TNFAIP8: variants seen among roughly 807,000 people sequenced by gnomAD.
TNFAIP8 encodes the protein TNF alpha induced protein 8.
In TNFAIP8, 7 loss-of-function variants were observed where a neutral mutation model predicts 13.3. The observed-to-expected ratio is 0.52, with a 90% CI of 0.30 to 0.99. The LOEUF is 0.99. Among genes scored for constraint, TNFAIP8 ranks in the 50% least tolerant of loss-of-function variants. The pLI is 0.07. For synonymous variants in TNFAIP8, 94 were observed against 87.6 expected, an observed-to-expected ratio of 1.07 and a Z score of -0.41; for missense variants, 258 against 236.9, an observed-to-expected ratio of 1.09 and a Z score of -0.58.
chr5:119,297,537 A>G (rs1169340132), intron 1 of TNFAIP8, among the ~76,000 whole-genome samples: 4 of 152,094 alleles, frequency 2.6e-5, no homozygotes, highest in African/African-American at 4.8e-5. Context: ...TATGTGGTCA[A>G]TTTTGGAATA....
intron 1 of TNFAIP8, among the ~76,000 whole-genome samples, chr5:119,305,523 AG>A (rs760487808): frequency 0.058 from 8,860 of 152,218 alleles, 578 homozygotes; most frequent in African/African-American, 0.16. Context: ...TGAGCCCAGG[AG>A]TTCAAGGCTG....
At chr5:119,374,865 T>C (rs1297868345) in intron 1 of TNFAIP8, among the ~76,000 whole-genome samples, 1 of 152,194 alleles carries the variant, frequency 6.6e-6, no homozygotes, top group Non-Finnish European at 1.5e-5. Flanking sequence ...TCCCAACTTC[T>C]ACAAGTTTTT....
At chr5:119,385,637 A>G (rs567672677) in intron 1 of TNFAIP8, among the ~76,000 whole-genome samples, 1 of 152,342 alleles carries the variant, frequency 6.6e-6, no homozygotes, top group South Asian at 2.1e-4. Context: ...AAAGTTTTTA[A>G]TATGTTATAT....
upstream of TNFAIP8, chr5:119,354,177 A>C (rs936293954): frequency 6.6e-6 from 1 of 152,256 alleles, no homozygotes; most frequent in Non-Finnish European, 1.5e-5. Context: ...TATACATATC[A>C]GCAGCTCCTG....
chr5:119,365,283 A>G (rs1290188984), intron 1 of TNFAIP8, among the ~76,000 whole-genome samples: 1 of 152,184 alleles, frequency 6.6e-6, no homozygotes, highest in African/African-American at 2.4e-5. Context: ...TAGATTTGGC[A>G]TATAATTTGG....
intron 1 of TNFAIP8, among the ~76,000 whole-genome samples, chr5:119,390,062 C>G (rs1752836598): frequency 6.6e-6 from 1 of 152,128 alleles, no homozygotes; most frequent in Non-Finnish European, 1.5e-5. Context: ...CATGAAAGTC[C>G]AGTCTTGGAT....
At chr5:119,333,118 TA>T in intron 1 of TNFAIP8, 1 of 814,314 alleles carries the variant, frequency 1.2e-6, no homozygotes, top group Non-Finnish European at 1.5e-6. Flanking sequence ...TTTTTTTTTC[TA>T]AGTATCTGTT....
chr5:119,383,886 G>C lies in TNFAIP8; in HGVS notation c.32-8930G>C, dbSNP rs2112846151. Reference sequence around the variant, plus strand: ...TGGAAGCTATTTCAAGCCCAGCTGGGTTGATCTTCCTTATGGTCTGTTTCT... The same window carrying C: ...TGGAAGCTATTTCAAGCCCAGCTGGCTTGATCTTCCTTATGGTCTGTTTCT... On this transcript the variant is annotated intron_variant, in intron 1 of 1. Transcript: ENST00000504771. 1.3e-5 allele frequency among the ~76,000 whole-genome samples: 2 copies of C among 152,322 alleles called. 1 individual carries two copies. The highest frequency in any genetic ancestry group is 1.3e-4 in the Admixed American group (2 of 15,300).
upstream of TNFAIP8, among the ~76,000 whole-genome samples, chr5:119,354,094 G>T (rs546628804): frequency 6.6e-6 from 1 of 152,198 alleles, no homozygotes; most frequent in Non-Finnish European, 1.5e-5. Flanking sequence ...TGGTGAGGGA[G>T]CATTTCTTTG....
intron 1 of TNFAIP8, among the ~76,000 whole-genome samples, chr5:119,361,997 T>C (rs1338113150): frequency 6.6e-6 from 1 of 152,048 alleles, no homozygotes; most frequent in African/African-American, 2.4e-5. Context: ...AACCCCATCT[T>C]CAGAGAGTTT....
chr5:119,278,376 AGTGTGTGTGTGTGT>A lies in TNFAIP8; in HGVS notation c.1+9501_1+9514del, dbSNP rs71591297. ...GGGAGAGAGAGAGAGAGAGAGAGAGAGTGTGTGTGTGTGTGTGTGTGTGTGTGTGTGTGTGTGTG... is the reference window on the plus strand; with the variant it reads ...GGGAGAGAGAGAGAGAGAGAGAGAGAGTGTGTGTGTGTGTGTGTGTGTGTG... On this transcript the variant is annotated intron_variant, in intron 1 of 1. Transcript: ENST00000274456. Among the ~76,000 whole-genome samples, 543 of 108,226 alleles carry A rather than the reference AGTGTGTGTGTGTGT, an allele frequency of 5.0e-3. 5 individuals carry two copies. Among genetic ancestry groups the A allele is most frequent in the African/African-American group, 0.018 (480 of 26,494 alleles). 71.0% of individuals were successfully genotyped at this position (108,226 alleles called of 152,430 possible).
intron 1 of TNFAIP8, chr5:119,391,415 C>G: frequency 1.4e-6 from 1 of 702,368 alleles, no homozygotes; most frequent in Non-Finnish European, 2.6e-6. Context: ...CCACTCGACT[C>G]AGAGATTGAG....
In TNFAIP8 at chr5:119,270,559, A is replaced by G. The variant is rs114760668; in HGVS notation, c.1+1652A>G. Among the ~76,000 whole-genome samples, 602 of 152,304 alleles carry G rather than the reference A, an allele frequency of 4.0e-3. 4 individuals are homozygous for G. The highest frequency in any genetic ancestry group is 0.014 in the African/African-American group (566 of 41,556). On this transcript the variant is annotated intron_variant, in intron 1 of 1. Transcript: ENST00000274456. ...CTACAGGGGCCCACAAGTAATTGTT[A>G]ATATTCTAGCTAGTAACACAATTTG...
rs1243760410 is a variant in TNFAIP8 at position 119,396,540 on chromosome 5, C to G, written c.*3159C>G. On this transcript the variant is annotated 3_prime_UTR_variant, in exon 2 of 2. Coordinates refer to ENST00000504771, the MANE Select transcript of TNFAIP8 (RefSeq NM_014350.4). ...TTCACCAAGAGAAGCAAGGAAGCAGCAGTTCAGTACTGTGCTCCCTAGAGT... is the reference window on the plus strand; with the variant it reads ...TTCACCAAGAGAAGCAAGGAAGCAGGAGTTCAGTACTGTGCTCCCTAGAGT... The G allele has an allele frequency of 6.6e-6, 1 of 152,184 alleles. No homozygotes were observed. The highest frequency in any genetic ancestry group is 2.4e-5 in the African/African-American group (1 of 41,446). 9.4% of individuals were successfully genotyped at this position (152,184 alleles called of 1,614,324 possible). A position where few individuals can be genotyped will look rare whatever the true frequency, so the allele number is the denominator to read the frequency against.
intron 1 of TNFAIP8, among the ~76,000 whole-genome samples, chr5:119,294,873 C>G (rs970643299): frequency 2.0e-4 from 30 of 151,858 alleles, no homozygotes; most frequent in East Asian, 7.8e-4. Context: ...CCTTTGCCCA[C>G]TTTTTGATGG....
At chr5:119,308,854 CAAAAAAAAAAA>C (rs61628819) in intron 1 of TNFAIP8, among the ~76,000 whole-genome samples, 1 of 58,122 alleles carries the variant, frequency 1.7e-5, no homozygotes, top group Admixed American at 1.9e-4. Flanking sequence ...GACTCCATCT[CAAAAAAAAAAA>C]AAAAAAAAAG....
At chr5:119,362,230 A>G (rs567575287) in intron 1 of TNFAIP8, among the ~76,000 whole-genome samples, 1 of 152,264 alleles carries the variant, frequency 6.6e-6, no homozygotes, top group African/African-American at 2.4e-5. Flanking sequence ...AGAAAGAGTG[A>G]GTGACAGGGA....
rs188138989 is a variant in TNFAIP8, at chr5:119,372,061, C to T, written c.31+15940C>T. On this transcript the variant is annotated intron_variant, in intron 1 of 1. Coordinates refer to ENST00000504771, the MANE Select transcript of TNFAIP8 (RefSeq NM_014350.4). The stretch of plus-strand genomic sequence containing the variant: ...CTGAGGCAGGAGAATGGCGTGAACC[C>T]GGGAGGCGGAGCTTGCAGTGAGCCG... 5.7e-3 allele frequency among the ~76,000 whole-genome samples: 857 copies of T among 151,352 alleles called. 11 individuals carry two copies. Among genetic ancestry groups the T allele is most frequent in the African/African-American group, 0.02 (834 of 41,184 alleles).
At chr5:119,378,021 A>G (rs911530481) in intron 1 of TNFAIP8, among the ~76,000 whole-genome samples, 1 of 152,240 alleles carries the variant, frequency 6.6e-6, no homozygotes, top group Non-Finnish European at 1.5e-5. Context: ...CATTGTTGTC[A>G]TATGAGAACG....
Sources: allele counts gnomAD v4.1 joint callset (sites outside exome capture counted in the v4.1 genomes callset), GRCh38; gene constraint gnomAD v4.1.1; transcripts MANE v1.5; gene names NCBI Gene and HGNC (gene_info 2026-07-23, HGNC 2026-07-21).